Variants in GRIK2 observed in about 807,000 individuals in gnomAD.
GRIK2 encodes glutamate ionotropic receptor kainate type subunit 2, also known as glutamate receptor ionotropic, kainate 2.
In GRIK2, 32 loss-of-function variants were observed where a neutral mutation model predicts 100.3. The ratio of observed to expected loss-of-function variants is 0.32; its 90% CI spans 0.24 to 0.43. GRIK2 has a LOEUF of 0.43. GRIK2 is among the 20% of genes least tolerant of loss of function. The pLI is 1.00. For missense variants in GRIK2, 843 were observed against 1,114.9 expected (o/e 0.76, Z 3.47); for synonymous variants, 417 against 389.4 (o/e 1.07, Z -0.83).
intron 14 of GRIK2, among the ~76,000 whole-genome samples, chr6:102,002,429 G>GTATATACACATATGTGTATATATAAT (rs1794995002): frequency 3.4e-5 from 5 of 147,522 alleles, no homozygotes; most frequent in Non-Finnish European, 7.5e-5. Context: ...TACATACACA[G>GTATATACACATATGTGTATATATAAT]TATATACACA....
chr6:101,402,224 GCACACACAATAA>G (rs1383168596), intron 2 of GRIK2, among the ~76,000 whole-genome samples: 1 of 151,966 alleles, frequency 6.6e-6, no homozygotes, highest in African/African-American at 2.4e-5. Context: ...TCTCTGTATG[GCACACACAATAA>G]CACACACATA....
intron 7 of GRIK2, among the ~76,000 whole-genome samples, chr6:101,720,406 T>C (rs758722052): frequency 2.0e-4 from 30 of 152,056 alleles, no homozygotes; most frequent in Non-Finnish European, 3.2e-4. Context: ...TTTCACCATT[T>C]GTTTAAGCAT....
intron 2 of GRIK2, among the ~76,000 whole-genome samples, chr6:101,536,698 A>G (rs1252746734): frequency 6.6e-6 from 1 of 151,678 alleles, no homozygotes; most frequent in African/African-American, 2.4e-5. Flanking sequence ...TGCCTTTTAT[A>G]TTTTTAGATA....
chr6:101,663,992 A>G (rs1269856916), intron 4 of GRIK2, among the ~76,000 whole-genome samples: 1 of 152,196 alleles, frequency 6.6e-6, no homozygotes, highest in East Asian at 1.9e-4. Context: ...TCTGATTGTC[A>G]TCTGTGTTAT....
At chr6:101,406,149 A>C (rs2128236859) in intron 2 of GRIK2, among the ~76,000 whole-genome samples, 1 of 152,230 alleles carries the variant, frequency 6.6e-6, no homozygotes, top group South Asian at 2.1e-4. Flanking sequence ...CAGTTACCTA[A>C]CCTGATAAAA....
chr6:102,053,032 C>T (rs1203228169), intron 15 of GRIK2, among the ~76,000 whole-genome samples: 1 of 151,910 alleles, frequency 6.6e-6, no homozygotes, highest in Non-Finnish European at 1.5e-5. Flanking sequence ...CCCACCACTG[C>T]ACTCCAGCCT....
chr6:101,871,524 G>T (rs1785412594), intron 11 of GRIK2, among the ~76,000 whole-genome samples: 1 of 151,728 alleles, frequency 6.6e-6, no homozygotes, highest in African/African-American at 2.4e-5. Flanking sequence ...TTCAACATTT[G>T]CCCCCTTTGC....
intron 7 of GRIK2, among the ~76,000 whole-genome samples, chr6:101,790,971 C>T (rs1384367891): frequency 1.3e-5 from 2 of 152,108 alleles, no homozygotes; most frequent in South Asian, 2.1e-4. Flanking sequence ...TCCATTTCTT[C>T]TAGATTTTCT....
At chr6:101,688,402 C>G (rs187287862) in intron 7 of GRIK2, among the ~76,000 whole-genome samples, 64 of 151,758 alleles carry the variant, frequency 4.2e-4, no homozygotes, top group African/African-American at 1.4e-3. Flanking sequence ...CATCATCTCC[C>G]GAAATGAAGT....
chr6:101,485,546 C>T (rs1005370109), intron 2 of GRIK2, among the ~76,000 whole-genome samples: 1 of 151,920 alleles, frequency 6.6e-6, no homozygotes, highest in African/African-American at 2.4e-5. Context: ...TGTTGATAAG[C>T]TTGTATGTTA....
At chr6:101,589,781 C>T (rs1778552981) in intron 2 of GRIK2, among the ~76,000 whole-genome samples, 2 of 151,958 alleles carry the variant, frequency 1.3e-5, no homozygotes, top group Non-Finnish European at 2.9e-5. Flanking sequence ...ATTGGGACAT[C>T]AAAATAGAGA....
At chr6:101,429,744 G>T (rs1388941459) in intron 2 of GRIK2, among the ~76,000 whole-genome samples, 3 of 151,808 alleles carry the variant, frequency 2.0e-5, no homozygotes, top group African/African-American at 7.2e-5. Flanking sequence ...ACACAATGAC[G>T]TGTTGCTGGG....
At chr6:101,923,901 G>A (rs557121414) in intron 12 of GRIK2, among the ~76,000 whole-genome samples, 24 of 149,510 alleles carry the variant, frequency 1.6e-4, no homozygotes, top group African/African-American at 5.2e-4. Flanking sequence ...CTCCAGCCTG[G>A]GGGACAAAGG....
At chr6:101,674,677 A>G (rs967341662) in intron 4 of GRIK2, among the ~76,000 whole-genome samples, 2 of 152,134 alleles carry the variant, frequency 1.3e-5, no homozygotes, top group Non-Finnish European at 2.9e-5. Flanking sequence ...TTTAATATCA[A>G]TTTTTATGTA....
At position 101,955,269 on chromosome 6, in the gene GRIK2, A is replaced by T. The variant is rs1451849686; in HGVS notation, c.2085+26637A>T. 2.0e-5 allele frequency among the ~76,000 whole-genome samples: 3 copies of T among 152,080 alleles called. No individual in the cohort carries two copies. The East Asian group carries it at 5.8e-4, about 29-fold the overall frequency. Reference sequence around the variant, plus strand: ...TTGCTTTTTGGAATAATTTATGAAGAAATGGTATTAATTTTGCTTTAAATG... The same window carrying T: ...TTGCTTTTTGGAATAATTTATGAAGTAATGGTATTAATTTTGCTTTAAATG... On this transcript the variant is annotated intron_variant, in intron 14 of 16. Coordinates refer to ENST00000369134, the MANE Select transcript of GRIK2 (RefSeq NM_021956.5).
chr6:101,791,472 A>G (rs1428707464), intron 7 of GRIK2, among the ~76,000 whole-genome samples: 1 of 152,148 alleles, frequency 6.6e-6, no homozygotes, highest in African/African-American at 2.4e-5. Flanking sequence ...TGTACCCAGT[A>G]GTCATTCAGG....
At chr6:101,446,000 A>G (rs1770353954) in intron 2 of GRIK2, among the ~76,000 whole-genome samples, 1 of 152,024 alleles carries the variant, frequency 6.6e-6, no homozygotes, top group Non-Finnish European at 1.5e-5. Context: ...TCTGTGTCTT[A>G]TTCATTCTGA....
chr6:101,511,360 T>C (rs1229893178), intron 2 of GRIK2, among the ~76,000 whole-genome samples: 2 of 152,130 alleles, frequency 1.3e-5, no homozygotes, highest in Non-Finnish European at 2.9e-5. Context: ...TGAAGATCTT[T>C]AAGATGCCTT....
rs977109676 is a variant in GRIK2, at chr6:102,064,679, T to C, written c.2563-3668T>C. On this transcript the variant is annotated intron_variant, in intron 16 of 16. Coordinates refer to ENST00000369134, the MANE Select transcript of GRIK2 (RefSeq NM_021956.5). ...TTACTTAAAAGTTAGACACAGTAAATTTTGGGCAATGTACAGCACAGGGAA... is the reference window on the plus strand; with the variant it reads ...TTACTTAAAAGTTAGACACAGTAAACTTTGGGCAATGTACAGCACAGGGAA... 4.6e-4 allele frequency among the ~76,000 whole-genome samples: 70 copies of C among 151,110 alleles called. 1 individual carries two copies. Among genetic ancestry groups the C allele is most frequent in the Non-Finnish European group, 1.3e-4 (9 of 67,366 alleles).
Sources: allele counts gnomAD v4.1 joint callset (sites outside exome capture counted in the v4.1 genomes callset), GRCh38; gene constraint gnomAD v4.1.1; transcripts MANE v1.5; gene names NCBI Gene and HGNC (gene_info 2026-07-23, HGNC 2026-07-21).